Variants in NF2 observed in about 807,000 individuals in gnomAD.
NF2 encodes merlin.
In NF2, 8 loss-of-function variants were observed where a neutral mutation model predicts 83.7. The ratio of observed to expected loss-of-function variants is 0.10; its 90% CI spans 0.06 to 0.17. The LOEUF is 0.17. Among genes scored for constraint, NF2 ranks in the 10% least tolerant of loss-of-function variants. NF2 has a pLI of 1.00. For synonymous variants in NF2, 266 were observed against 269.6 expected (o/e 0.99, Z 0.13); for missense variants, 533 against 744.4 (o/e 0.72, Z 3.31).
intron 4 of NF2, among the ~76,000 whole-genome samples, chr22:29,647,370 A>G (rs968396834): frequency 2.0e-5 from 3 of 152,080 alleles, no homozygotes; most frequent in Non-Finnish European, 4.4e-5. Context: ...GAGTGGCAAG[A>G]GTTGAGGCTG....
chr22:29,604,812 C>T (rs894278545), intron 1 of NF2, among the ~76,000 whole-genome samples: 9 of 152,168 alleles, frequency 5.9e-5, no homozygotes, highest in Admixed American at 2.6e-4. Flanking sequence ...TTTTTCTGTA[C>T]AGGACCACAT....
chr22:29,645,512 G>GT (rs763564293), intron 4 of NF2, among the ~76,000 whole-genome samples: 4 of 152,192 alleles, frequency 2.6e-5, no homozygotes, highest in Non-Finnish European at 4.4e-5. Context: ...AAGAATATTA[G>GT]TAAGAGGAAA....
intron 3 of NF2, among the ~76,000 whole-genome samples, chr22:29,640,768 C>CGTGTGT (rs10555211): frequency 6.7e-6 from 1 of 149,826 alleles, no homozygotes; most frequent in African/African-American, 2.5e-5. Context: ...GTCTGGGGGG[C>CGTGTGT]GTGTGTGTGT....
intron 1 of NF2, among the ~76,000 whole-genome samples, chr22:29,634,120 C>T (rs542782879): frequency 3.2e-4 from 48 of 152,206 alleles, no homozygotes; most frequent in African/African-American, 9.4e-4. Context: ...GTTAGATCAC[C>T]GTGAAAAAGG....
At position 29,698,074 on chromosome 22, in the gene NF2, C is replaced by T. The variant is rs1395769246; in HGVS notation, c.*3272C>T. 2 of 229,802 alleles carry T rather than the reference C, an allele frequency of 8.7e-6. No individual in the cohort carries two copies. The highest frequency in any genetic ancestry group is 1.7e-5 in the Non-Finnish European group (2 of 115,882). 14.2% of individuals were successfully genotyped at this position (229,802 alleles called of 1,614,324 possible). On this transcript the variant is annotated 3_prime_UTR_variant, in exon 16 of 16. Transcript: ENST00000338641. ...GTGAGGCTGTCCTTTTGGCCAGTAGCCGTGTGCAGCTGTGTGGCACAGATG... is the reference window on the plus strand; with the variant it reads ...GTGAGGCTGTCCTTTTGGCCAGTAGTCGTGTGCAGCTGTGTGGCACAGATG...
intron 3 of NF2, among the ~76,000 whole-genome samples, chr22:29,641,183 C>CG (rs1205139884): frequency 6.6e-6 from 1 of 151,932 alleles, no homozygotes; most frequent in Non-Finnish European, 1.5e-5. Context: ...GCTTTTTCCC[C>CG]CCTCTCTTTG....
intron 2 of NF2, 141 bp downstream of exon 2, chr22:29,637,017 A>T (rs958958468): frequency 1.6e-6 from 2 of 1,250,088 alleles, no homozygotes; most frequent in African/African-American, 2.9e-5. Context: ...TCATGCAGAA[A>T]GCAGGACGTA....
intron 1 of NF2, among the ~76,000 whole-genome samples, chr22:29,614,083 T>C (rs1309840704): frequency 6.6e-6 from 1 of 150,580 alleles, no homozygotes; most frequent in Non-Finnish European, 1.5e-5. Context: ...CAAATGGAGC[T>C]GAGACAACTG....
At chr22:29,664,912 G>A in intron 8 of NF2, 78 bp from the exon 9 acceptor site, 2 of 1,007,916 alleles carry the variant, frequency 2.0e-6, no homozygotes, top group Admixed American at 3.8e-5. Context: ...CAGTGTGGTT[G>A]CGCATTTGTG....
intron 1 of NF2, among the ~76,000 whole-genome samples, chr22:29,611,320 C>G (rs1416005213): frequency 6.6e-6 from 1 of 152,044 alleles, no homozygotes; most frequent in Non-Finnish European, 1.5e-5. Flanking sequence ...GTCAGGAGTT[C>G]AAGAACAGCC....
At chr22:29,678,407 G>A (rs2067032596) in intron 14 of NF2, 84 bp downstream of exon 14, 1 of 1,535,374 alleles carries the variant, frequency 6.5e-7, no homozygotes. Flanking sequence ...GCAGAGGTGA[G>A]AGGTCGCTGC....
chr22:29,636,620 G>A lies in NF2; in HGVS notation c.115-131G>A. 4 of 1,167,990 alleles carry A rather than the reference G, an allele frequency of 3.4e-6. No homozygotes were observed. The highest frequency in any genetic ancestry group is 5.1e-6 in the Non-Finnish European group (4 of 786,808). The allele number at this position is 1,167,990 out of a possible 1,614,324, so 72.4% of individuals were successfully genotyped here. A position where few individuals can be genotyped will look rare whatever the true frequency, so the allele number is the denominator to read the frequency against. ...GTAAAGGAAGCTTTAAAATTATTTA[G>A]GAATTCAGTCCTCATCAGCTGTCTT... On this transcript the variant is annotated intron_variant, in intron 1 of 15. Coordinates refer to ENST00000338641, the MANE Select transcript of NF2 (RefSeq NM_000268.4). This position sits in a 1 kb window ranked among gnomAD's most constrained non-coding sequence, Gnocchi z 4.4.
chr22:29,675,671 A>G (rs1345071830), intron 13 of NF2, among the ~76,000 whole-genome samples: 1 of 152,014 alleles, frequency 6.6e-6, no homozygotes, highest in African/African-American at 2.4e-5. Context: ...CAGGTGGAGA[A>G]GAGAACATAG....
chr22:29,696,272 G>A lies in NF2; in HGVS notation c.*1470G>A. ...GTATTTTTAATAGGGACGGGGTTTT[G>A]CCATGTTAGCTAGGCTGGTCTCAAA... On this transcript the variant is annotated 3_prime_UTR_variant, in exon 16 of 16. Coordinates refer to ENST00000338641, the MANE Select transcript of NF2 (RefSeq NM_000268.4). 4.7e-6 allele frequency: 1 copy of A among 214,976 alleles called. No homozygotes were observed. The highest frequency in any genetic ancestry group is 9.4e-6 in the Non-Finnish European group (1 of 106,680). The allele number at this position is 214,976 out of a possible 1,614,324, so 13.3% of individuals were successfully genotyped here.
intron 15 of NF2, among the ~76,000 whole-genome samples, chr22:29,689,665 C>G (rs1174499629): frequency 6.6e-6 from 1 of 152,082 alleles, no homozygotes; most frequent in Non-Finnish European, 1.5e-5. Flanking sequence ...AGGCAAGGCC[C>G]CCAGAGACTA....
intron 10 of NF2, among the ~76,000 whole-genome samples, chr22:29,669,257 G>A (rs2066713663): frequency 6.6e-6 from 1 of 152,206 alleles, no homozygotes; most frequent in Non-Finnish European, 1.5e-5. Flanking sequence ...GAGGTAGTGG[G>A]CCACAAATGT....
intron 10 of NF2, among the ~76,000 whole-genome samples, chr22:29,669,276 G>A (rs1569302871): frequency 6.6e-6 from 1 of 152,140 alleles, no homozygotes; most frequent in Non-Finnish European, 1.5e-5. Context: ...GTGTTCTTTG[G>A]GATGCTTTCA....
At chr22:29,673,137 T>G (rs1601647877) in intron 11 of NF2, 132 bp from the exon 12 acceptor site, 1 of 967,002 alleles carries the variant, frequency 1.0e-6, no homozygotes, top group Non-Finnish European at 1.6e-6. Flanking sequence ...TGTCAGAGGG[T>G]CATGGAGGGC....
rs11912689 is a variant in NF2 at position 29,636,340 on chromosome 22, G to A, written c.115-411G>A. On this transcript the variant is annotated intron_variant, in intron 1 of 15. Coordinates refer to ENST00000338641, the MANE Select transcript of NF2 (RefSeq NM_000268.4). The surrounding 1 kb of genome is among the most constrained non-coding windows in gnomAD (Gnocchi z 4.4). ...AAGGAATACTAGCCTTTTATCAAAGGGCAAAGTAATGATTTAAAAAAAAAA... is the reference window on the plus strand; with the variant it reads ...AAGGAATACTAGCCTTTTATCAAAGAGCAAAGTAATGATTTAAAAAAAAAA... Among the ~76,000 whole-genome samples, 7 of 151,808 alleles carry A rather than the reference G, an allele frequency of 4.6e-5. No homozygotes were observed. Among genetic ancestry groups the A allele is most frequent in the African/African-American group, 1.7e-4 (7 of 41,276 alleles).
Sources: allele counts gnomAD v4.1 joint callset (sites outside exome capture counted in the v4.1 genomes callset), GRCh38; gene constraint gnomAD v4.1.1; non-coding constraint Gnocchi (gnomAD v3.1); transcripts MANE v1.5; gene names NCBI Gene and HGNC (gene_info 2026-07-23, HGNC 2026-07-21).